The following GAD1 variants were observed in gnomAD, a reference collection of about 807,000 sequenced individuals.
GAD1 encodes 67 kDa glutamic acid decarboxylase.
A neutral mutation model predicts 75.2 loss-of-function variants in GAD1; 35 were observed. That is an observed-to-expected ratio of 0.47 (90% CI 0.36 to 0.62). The LOEUF (loss-of-function observed/expected upper bound fraction) is 0.62. Ranked by LOEUF, GAD1 falls within the 20% of genes least tolerant of loss-of-function variation. GAD1 has a pLI of 0.00. For synonymous variants in GAD1, 257 were observed against 271.9 expected (o/e 0.95, Z 0.54); for missense variants, 490 against 758.5 (o/e 0.65, Z 4.16).
At chr2:170,856,926 G>T (rs192446665) in intron 14 of GAD1, 92 bp from the exon 15 acceptor site, 2 of 1,007,958 alleles carry the variant, frequency 2.0e-6, no homozygotes, top group Admixed American at 1.7e-5. Context: ...TACTTTTTTT[G>T]TTTATTTCCC....
In GAD1 at chr2:170,857,096, G is replaced by A. The variant is rs765665349; in HGVS notation, c.1492G>A (p.Glu498Lys). The A allele has an allele frequency of 1.2e-6, 2 of 1,613,742 alleles. No homozygotes were observed. Among genetic ancestry groups the A allele is most frequent in the East Asian group, 4.5e-5 (2 of 44,868 alleles). ...CCTCTATGCCAAGATTAAAAACAGAGAAGAATTTGAGATGGTTTTCAATGG... is the reference window on the plus strand; with the variant it reads ...CCTCTATGCCAAGATTAAAAACAGAAAAGAATTTGAGATGGTTTTCAATGG... ...EYLYAKIKNR[E>K]EFEMVFNGEP... The change falls in exon 15 of 17, where the codon GAA (glutamate) becomes AAA (lysine). Residue 498 changes from glutamate to lysine, a missense_variant. Physicochemically the swap from Glu to Lys is moderately conservative, Grantham distance 56. Around this residue, in one of 3 missense-constraint regions of GAD1, gnomAD observed 324 missense variants for 523.9 expected, o/e 0.62. Transcript: ENST00000358196.
chr2:170,825,274 A>G (rs775205414), intron 3 of GAD1, among the ~76,000 whole-genome samples: 18 of 152,230 alleles, frequency 1.2e-4, no homozygotes, highest in Non-Finnish European at 2.2e-4. Context: ...CTGCAGTCCT[A>G]GCTACTCAGG....
intron 2 of GAD1, among the ~76,000 whole-genome samples, chr2:170,820,701 C>G (rs1701853783): frequency 6.6e-6 from 1 of 152,232 alleles, no homozygotes; most frequent in African/African-American, 2.4e-5. Context: ...CTCCCCGTCT[C>G]CCTTTCCCTT....
chr2:170,817,719 C>T (rs563694412), intron 1 of GAD1: 1 of 152,482 alleles, frequency 6.6e-6, no homozygotes, highest in Non-Finnish European at 1.5e-5. Context: ...CTTACTTACC[C>T]CACCCTCTCT....
chr2:170,838,979 A>G (rs1332545841), intron 6 of GAD1, among the ~76,000 whole-genome samples: 1 of 152,230 alleles, frequency 6.6e-6, no homozygotes, highest in Non-Finnish European at 1.5e-5. Context: ...AGAAGCAATA[A>G]CTATTATCTA....
At chr2:170,837,591 G>A (rs186663547) in intron 6 of GAD1, among the ~76,000 whole-genome samples, 34 of 151,052 alleles carry the variant, frequency 2.3e-4, no homozygotes, top group Admixed American at 1.6e-3. Flanking sequence ...ATTACTAATC[G>A]ATGGAGGGGC....
intron 6 of GAD1, among the ~76,000 whole-genome samples, chr2:170,842,270 G>C (rs1259086721): frequency 6.6e-6 from 1 of 152,156 alleles, no homozygotes; most frequent in Non-Finnish European, 1.5e-5. Context: ...TTGATCCTAA[G>C]CCAACTTTCA....
intron 6 of GAD1, among the ~76,000 whole-genome samples, chr2:170,840,145 A>G (rs1702475922): frequency 6.6e-6 from 1 of 152,216 alleles, no homozygotes; most frequent in African/African-American, 2.4e-5. Context: ...AAAATGGAGG[A>G]TAATAGTATC....
chr2:170,837,738 C>A (rs1398218551), intron 6 of GAD1, among the ~76,000 whole-genome samples: 2 of 152,114 alleles, frequency 1.3e-5, no homozygotes, highest in Non-Finnish European at 2.9e-5. Flanking sequence ...AATTTAAAAA[C>A]AACTATATAA....
intron 2 of GAD1, among the ~76,000 whole-genome samples, chr2:170,819,528 C>CA (rs1314991102): frequency 6.6e-6 from 1 of 152,106 alleles, no homozygotes; most frequent in African/African-American, 2.4e-5. Context: ...ACAGGCTCCT[C>CA]AACCCATTTC....
rs774037499 is a variant in GAD1, at chr2:170,818,684, C to G, written c.82+11C>G. 4 of 1,613,390 alleles carry G rather than the reference C, an allele frequency of 2.5e-6. No individual in the cohort carries two copies. The highest frequency in any genetic ancestry group is 3.4e-6 in the Non-Finnish European group (4 of 1,179,310). On this transcript the variant is annotated intron_variant, in intron 2 of 16. Coordinates refer to ENST00000358196, the MANE Select transcript of GAD1 (RefSeq NM_000817.3). The surrounding 1 kb of genome is among the most constrained non-coding windows in gnomAD (Gnocchi z 5.9). ...ACCTGCGCCCCACAAGTAGGTCCCG[C>G]CCCAATTTTCTATCAAATGAACTGC...
In GAD1 at chr2:170,818,585, C is replaced by T. The variant is rs748025421; in HGVS notation, c.-7C>T. 1 of 1,613,922 alleles carries T rather than the reference C, an allele frequency of 6.2e-7. No individual in the cohort carries two copies. The stretch of plus-strand genomic sequence containing the variant: ...TGGACAGTAGAGGCCCCGGGACGAC[C>T]GAGCTGATGGCGTCTTCGACCCCAT... On this transcript the variant is annotated 5_prime_UTR_variant, in exon 2 of 17. Coordinates refer to ENST00000358196, the MANE Select transcript of GAD1 (RefSeq NM_000817.3). The surrounding 1 kb of genome is among the most constrained non-coding windows in gnomAD (Gnocchi z 5.9).
At chr2:170,827,462 G>T (rs1410394152) in intron 3 of GAD1, among the ~76,000 whole-genome samples, 2 of 152,268 alleles carry the variant, frequency 1.3e-5, no homozygotes, top group Non-Finnish European at 2.9e-5. Context: ...AGACGTGCGG[G>T]CCAGGAGCCC....
At chr2:170,843,146 T>G (rs906314691) in intron 6 of GAD1, among the ~76,000 whole-genome samples, 1 of 152,246 alleles carries the variant, frequency 6.6e-6, no homozygotes, top group Non-Finnish European at 1.5e-5. Flanking sequence ...CTTAATTTTC[T>G]GTGGACAGAC....
At chr2:170,829,696 T>A (rs758408466) in intron 4 of GAD1, 63 bp downstream of exon 4, 4 of 1,549,778 alleles carry the variant, frequency 2.6e-6, no homozygotes, top group African/African-American at 1.4e-5. Flanking sequence ...GTTTCTTGAC[T>A]TTTTCCTGCA....
intron 5 of GAD1, among the ~76,000 whole-genome samples, chr2:170,832,748 G>T (rs563448051): frequency 6.6e-6 from 1 of 152,082 alleles, no homozygotes; most frequent in African/African-American, 2.4e-5. Context: ...AGGACACTCT[G>T]AGTCACCAAA....
At chr2:170,828,852 G>T in intron 3 of GAD1, 1 of 142,414 alleles carries the variant, frequency 7.0e-6, no homozygotes, top group South Asian at 1.2e-4. Flanking sequence ...TGCTGTCCTC[G>T]CCTTCCTCCC....
At position 170,832,664 on chromosome 2, in the gene GAD1, G is replaced by GCACA. The variant is rs3049892; in HGVS notation, c.547+1501_547+1504dup. 8.0e-3 allele frequency among the ~76,000 whole-genome samples: 630 copies of GCACA among 78,944 alleles called. 6 individuals carry two copies. The highest frequency in any genetic ancestry group is 0.015 in the African/African-American group (396 of 26,302). 51.8% of individuals were successfully genotyped at this position (78,944 alleles called of 152,430 possible). On this transcript the variant is annotated intron_variant, in intron 5 of 16. Transcript: ENST00000358196. ...CACAGGCACACATGCGCGCGCGCGC[G>GCACA]CACACACACACACACACACACACAC... is the stretch of plus-strand genomic sequence containing the variant.
intron 6 of GAD1, chr2:170,843,691 C>A: frequency 6.4e-6 from 1 of 155,390 alleles, no homozygotes; most frequent in Non-Finnish European, 1.4e-5. Flanking sequence ...TTTCAATTAA[C>A]ATTTGCATTG....
Sources: allele counts gnomAD v4.1 joint callset (sites outside exome capture counted in the v4.1 genomes callset), GRCh38; gene constraint gnomAD v4.1.1; regional missense constraint gnomAD v4.1.1; non-coding constraint Gnocchi (gnomAD v3.1); transcripts MANE v1.5; gene names NCBI Gene and HGNC (gene_info 2026-07-23, HGNC 2026-07-21).